The following UHRF1 variants were observed in gnomAD, a reference collection of about 807,000 sequenced individuals.
The protein encoded by UHRF1 is E3 ubiquitin-protein ligase UHRF1.
Under a neutral mutation model 96.5 loss-of-function variants are expected in UHRF1, and 9 were observed. That is an observed-to-expected ratio of 0.09 (90% CI 0.06 to 0.16). UHRF1 has a LOEUF of 0.16. Among genes scored for constraint, UHRF1 ranks in the 10% least tolerant of loss-of-function variants. The pLI is 1.00. For synonymous variants in UHRF1, 455 were observed against 469.9 expected, an observed-to-expected ratio of 0.97 and a Z score of 0.41; for missense variants, 626 against 1,131.1, an observed-to-expected ratio of 0.55 and a Z score of 6.40.
chr19:4,929,540 TA>T (rs2146328742), intron 3 of UHRF1, 64 bp downstream of exon 3: 2 of 1,555,976 alleles, frequency 1.3e-6, no homozygotes, highest in Non-Finnish European at 1.7e-6. Context: ...GGTCTTTGCA[TA>T]CCCAGGGCTC....
At chr19:4,925,392 C>G (rs1442986164) in intron 2 of UHRF1, among the ~76,000 whole-genome samples, 1 of 152,198 alleles carries the variant, frequency 6.6e-6, no homozygotes, top group Non-Finnish European at 1.5e-5. Context: ...GGATCATGCA[C>G]TGCGTGGCCT....
At chr19:4,950,094 C>T (rs986717630) in intron 11 of UHRF1, among the ~76,000 whole-genome samples, 1 of 149,706 alleles carries the variant, frequency 6.7e-6, no homozygotes, top group African/African-American at 2.5e-5. Context: ...TGGTCTTGAA[C>T]TCCTGGGCTC....
At chr19:4,911,463 C>T (rs950615284) in intron 2 of UHRF1, among the ~76,000 whole-genome samples, 2 of 152,072 alleles carry the variant, frequency 1.3e-5, no homozygotes, top group South Asian at 2.1e-4. Context: ...CAGCCTGTAC[C>T]GGTTAAGCAT....
At chr19:4,908,714 T>C (rs972087457), upstream of UHRF1, among the ~76,000 whole-genome samples, 1 of 152,198 alleles carries the variant, frequency 6.6e-6, no homozygotes, top group African/African-American at 2.4e-5. Context: ...TAAGGAATCA[T>C]CTGAAATTAT....
In UHRF1 at chr19:4,918,423, GT is replaced by G. The variant is rs567574185; in HGVS notation, c.153+7398del. Among the ~76,000 whole-genome samples, 560 of 140,508 alleles carry G rather than the reference GT, an allele frequency of 4.0e-3. 3 individuals are homozygous for G. The highest frequency in any genetic ancestry group is 0.012 in the African/African-American group (463 of 38,368). 92.2% of individuals were successfully genotyped at this position (140,508 alleles called of 152,430 possible). A position where few individuals can be genotyped will look rare whatever the true frequency, so the allele number is the denominator to read the frequency against. The stretch of plus-strand genomic sequence containing the variant: ...AAGTATGAGTCACTGTGCCTGGCCT[GT>G]TTTTTTTTTTTTGAGACAGAGTCTT... On this transcript the variant is annotated intron_variant, in intron 2 of 16. Transcript: ENST00000650932.
At chr19:4,959,994 G>A (rs1048105720) in intron 16 of UHRF1, among the ~76,000 whole-genome samples, 2 of 152,258 alleles carry the variant, frequency 1.3e-5, no homozygotes, top group African/African-American at 2.4e-5. Context: ...CCAGGTAGCT[G>A]GGATTACAGG....
At chr19:4,941,216 G>A (rs17883979) in intron 5 of UHRF1, among the ~76,000 whole-genome samples, 1,715 of 148,754 alleles carry the variant, frequency 0.012, 17 homozygotes, top group Non-Finnish European at 0.016. Context: ...TCAGCCTCCC[G>A]AGTAGCTGGG....
rs369179998 is a variant in UHRF1, at chr19:4,951,113, A to G, written c.1818+117A>G. ...AAACCTCATCTCTACTAAAAATACA[A>G]AAATTAGCTGGGTATGGTGGCGGGT... On this transcript the variant is annotated intron_variant, in intron 13 of 16. Coordinates refer to ENST00000650932, the MANE Select transcript of UHRF1 (RefSeq NM_001048201.3). 1,610 of 1,349,978 alleles carry G rather than the reference A, an allele frequency of 1.2e-3. 29 individuals are homozygous for G. In the South Asian group the frequency reaches 0.021, roughly 18 times the overall value. The allele number at this position is 1,349,978 out of a possible 1,614,324, so 83.6% of individuals were successfully genotyped here.
intron 13 of UHRF1, among the ~76,000 whole-genome samples, chr19:4,951,730 C>T (rs562963279): frequency 4.2e-4 from 63 of 148,762 alleles, no homozygotes; most frequent in Middle Eastern, 3.5e-3. Context: ...AACAAACCAA[C>T]CAAATTGGTG....
At chr19:4,932,665 C>T in intron 4 of UHRF1, 76 bp from the exon 5 acceptor site, 1 of 1,533,372 alleles carries the variant, frequency 6.5e-7, no homozygotes, top group Non-Finnish European at 8.9e-7. Flanking sequence ...GGGGCCGTCC[C>T]ACCTCGGCTC....
chr19:4,951,233 T>C (rs1418137796), intron 13 of UHRF1, among the ~76,000 whole-genome samples: 1 of 152,170 alleles, frequency 6.6e-6, no homozygotes, highest in Non-Finnish European at 1.5e-5. Context: ...GCCACTGCAC[T>C]GCAGCCTGGG....
chr19:4,922,486 C>T (rs893456630), intron 2 of UHRF1, among the ~76,000 whole-genome samples: 5 of 151,838 alleles, frequency 3.3e-5, no homozygotes, highest in Non-Finnish European at 5.9e-5. Context: ...AGGCTGGTCT[C>T]GAACTCCTGA....
intron 5 of UHRF1, among the ~76,000 whole-genome samples, chr19:4,939,302 C>G (rs1054322678): frequency 6.8e-6 from 1 of 147,734 alleles, no homozygotes; most frequent in Non-Finnish European, 1.5e-5. Context: ...TCAAGTGATA[C>G]TCCTGCCTCA....
chr19:4,952,888 C>T (rs751469719), intron 13 of UHRF1, among the ~76,000 whole-genome samples: 1 of 151,996 alleles, frequency 6.6e-6, no homozygotes, highest in Non-Finnish European at 1.5e-5. Flanking sequence ...GTCAGGTGTT[C>T]GTAAGTGAAG....
chr19:4,929,586 G>A (rs2032985749), intron 3 of UHRF1, 110 bp downstream of exon 3: 3 of 1,460,334 alleles, frequency 2.1e-6, no homozygotes, highest in African/African-American at 2.8e-5. Flanking sequence ...CTCTAGCTCT[G>A]GCTGGGCAGA....
chr19:4,949,374 C>G (rs1276523547), intron 11 of UHRF1, among the ~76,000 whole-genome samples: 2 of 151,652 alleles, frequency 1.3e-5, no homozygotes, highest in African/African-American at 2.4e-5. Context: ...TCTTGTCACT[C>G]TAACTCCGCT....
rs910342089 is a variant in UHRF1, at chr19:4,954,094, G to A, written c.1819-256G>A. Among the ~76,000 whole-genome samples, 2 of 152,134 alleles carry A rather than the reference G, an allele frequency of 1.3e-5. No homozygotes were observed. Among genetic ancestry groups the A allele is most frequent in the Admixed American group, 6.6e-5 (1 of 15,264 alleles). ...GCCGAGGGATGCAGCGCCTCTAGAC[G>A]TTGGACACTTAGAACAGTGTGCAGT... On this transcript the variant is annotated intron_variant, in intron 13 of 16. Coordinates refer to ENST00000650932, the MANE Select transcript of UHRF1 (RefSeq NM_001048201.3). This position sits in a 1 kb window ranked among gnomAD's most constrained non-coding sequence, Gnocchi z 5.9.
At chr19:4,938,870 C>T (rs1053288782) in intron 5 of UHRF1, among the ~76,000 whole-genome samples, 3 of 149,906 alleles carry the variant, frequency 2.0e-5, no homozygotes, top group Non-Finnish European at 3.0e-5. Flanking sequence ...CAGCCTCCCA[C>T]GTAGCTGGGA....
chr19:4,948,914 G>A (rs2033643055), intron 11 of UHRF1, among the ~76,000 whole-genome samples: 1 of 143,728 alleles, frequency 7.0e-6, no homozygotes, highest in African/African-American at 2.6e-5. Context: ...ACGATGTCAG[G>A]AGATCGAAAC....
Sources: allele counts gnomAD v4.1 joint callset (sites outside exome capture counted in the v4.1 genomes callset), GRCh38; gene constraint gnomAD v4.1.1; non-coding constraint Gnocchi (gnomAD v3.1); transcripts MANE v1.5; gene names NCBI Gene and HGNC (gene_info 2026-07-23, HGNC 2026-07-21).